MED12L: variants seen among roughly 807,000 people sequenced by gnomAD.
The protein encoded by MED12L is mediator complex subunit 12L, also known as mediator of RNA polymerase II transcription subunit 12-like protein.
Under a neutral mutation model 281.3 loss-of-function variants are expected in MED12L, and 60 were observed. The observed-to-expected ratio is 0.21, with a 90% CI of 0.17 to 0.26. MED12L has a LOEUF of 0.26. Among genes scored for constraint, MED12L ranks in the 10% least tolerant of loss-of-function variants. The pLI is 1.00. For missense variants in MED12L, 2,146 were observed against 2,680.9 expected, an observed-to-expected ratio of 0.80 and a Z score of 4.41; for synonymous variants, 974 against 987.2, an observed-to-expected ratio of 0.99 and a Z score of 0.25.
At chr3:151,126,740 A>G (rs776793951) in intron 4 of MED12L, among the ~76,000 whole-genome samples, 4 of 152,208 alleles carry the variant, frequency 2.6e-5, no homozygotes, top group Non-Finnish European at 5.9e-5. Context: ...GCCTGAAAGC[A>G]CTTTGGTTGG....
At chr3:151,296,691 G>A (rs1218120430) in intron 16 of MED12L, among the ~76,000 whole-genome samples, 2 of 151,946 alleles carry the variant, frequency 1.3e-5, no homozygotes, top group African/African-American at 2.4e-5. Flanking sequence ...GGCCATTTAA[G>A]CACATTTTAT....
chr3:151,089,923 A>G (rs906109145), intron 2 of MED12L, among the ~76,000 whole-genome samples: 4 of 152,180 alleles, frequency 2.6e-5, no homozygotes, highest in Non-Finnish European at 5.9e-5. Flanking sequence ...ATCCATGCGC[A>G]CATCCTGTTC....
intron 2 of MED12L, among the ~76,000 whole-genome samples, chr3:151,106,514 A>G (rs1442920182): frequency 7.9e-5 from 12 of 152,016 alleles, no homozygotes; most frequent in Admixed American, 7.9e-4. Context: ...TGTTCTTATG[A>G]TAAAGACAGA....
intron 8 of MED12L, 64 bp from the exon 9 acceptor site, chr3:151,163,829 G>A: frequency 6.6e-7 from 1 of 1,516,994 alleles, no homozygotes; most frequent in South Asian, 1.2e-5. Context: ...CGTTTTTACT[G>A]TTTAGCTATT....
In MED12L at chr3:151,413,220, T is replaced by C. The variant is rs772867252; in HGVS notation, c.6222T>C (p.Leu2074=). ...DAVLTSAHPN[L]PSVPLPQDPM... ...TGCTGACTTCTGCACATCCAAACCT[T>C]CCCTCCGTGCCCCTGCCTCAGGATC... The change falls in exon 42 of 45, where the codon CTT becomes CTC. Residue 2074 remains leucine (L), a synonymous_variant. Transcript: ENST00000687756. The C allele has an allele frequency of 1.9e-6, 3 of 1,614,008 alleles. No homozygotes were observed. The highest frequency in any genetic ancestry group is 4.5e-5 in the East Asian group (2 of 44,878).
At chr3:151,296,372 C>T (rs1745090351) in intron 16 of MED12L, among the ~76,000 whole-genome samples, 1 of 152,120 alleles carries the variant, frequency 6.6e-6, no homozygotes, top group Non-Finnish European at 1.5e-5. Context: ...ACAGGTAGCT[C>T]CTGCTGTGGA....
chr3:151,359,483 A>G (rs1754347874), intron 20 of MED12L, among the ~76,000 whole-genome samples: 1 of 152,004 alleles, frequency 6.6e-6, no homozygotes, highest in South Asian at 2.1e-4. Context: ...CTGTGATTCC[A>G]TTGTCCTCCT....
chr3:151,358,322 C>T (rs1300090375), intron 20 of MED12L, among the ~76,000 whole-genome samples: 1 of 151,984 alleles, frequency 6.6e-6, no homozygotes, highest in Non-Finnish European at 1.5e-5. Flanking sequence ...AATAACTCAG[C>T]TACTGTATAA....
chr3:151,368,629 T>TATTTC (rs1159385723), intron 25 of MED12L, among the ~76,000 whole-genome samples: 7 of 92,902 alleles, frequency 7.5e-5, no homozygotes, highest in Middle Eastern at 0.011. Context: ...TATTTTATTT[T>TATTTC]ATTTCATTTC....
At chr3:151,431,229 G>A (rs1285471826) in intron 44 of MED12L, among the ~76,000 whole-genome samples, 1 of 152,182 alleles carries the variant, frequency 6.6e-6, no homozygotes, top group Non-Finnish European at 1.5e-5. Context: ...GTTTCTTCTT[G>A]GTCTTGGATT....
At chr3:151,099,889 G>A (rs1269698721) in intron 2 of MED12L, among the ~76,000 whole-genome samples, 2 of 152,150 alleles carry the variant, frequency 1.3e-5, no homozygotes, top group African/African-American at 4.8e-5. Flanking sequence ...GCAAAGAGAT[G>A]GAGGATCTGG....
intron 11 of MED12L, among the ~76,000 whole-genome samples, chr3:151,168,549 C>T (rs774981488): frequency 6.6e-6 from 1 of 152,052 alleles, no homozygotes; most frequent in Non-Finnish European, 1.5e-5. Context: ...CAGTGTTGCC[C>T]CATTTAGCAG....
intron 16 of MED12L, chr3:151,198,063 A>C: frequency 6.4e-6 from 1 of 157,428 alleles, no homozygotes; most frequent in Non-Finnish European, 1.4e-5. Context: ...CATGGAAATT[A>C]TTTTTTATAT....
rs1443522692 is a variant in MED12L at position 151,316,596 on chromosome 3, G to C, written c.2251-33463G>C. On this transcript the variant is annotated intron_variant, in intron 16 of 44. Coordinates refer to ENST00000687756, the MANE Select transcript of MED12L (RefSeq NM_001393769.1). ...AAATTTTTCGTTTACCTTTCATTGTGGTGGCTGGCTGTCCATTCACCTCAT... is the reference window on the plus strand; with the variant it reads ...AAATTTTTCGTTTACCTTTCATTGTCGTGGCTGGCTGTCCATTCACCTCAT... 3.3e-5 allele frequency: 5 copies of C among 152,130 alleles called. No homozygotes were observed. In the East Asian group the frequency reaches 9.6e-4, roughly 29 times the overall value. The allele number at this position is 152,130 out of a possible 1,614,324, so 9.4% of individuals were successfully genotyped here.
intron 43 of MED12L, among the ~76,000 whole-genome samples, chr3:151,423,379 C>T (rs994384670): frequency 5.3e-5 from 8 of 152,256 alleles, no homozygotes; most frequent in Middle Eastern, 3.4e-3. Context: ...AAAAGTGACT[C>T]AGGGCAGAAA....
In MED12L at chr3:151,158,771, T is replaced by C. The variant is rs750752584; in HGVS notation, c.809T>C (p.Leu270Pro). The change falls in exon 7 of 45, where the codon CTT becomes CCT. Residue 270 changes from leucine (L) to proline (P), a missense_variant. Coordinates refer to ENST00000687756, the MANE Select transcript of MED12L (RefSeq NM_001393769.1). ...EKIRPMDDDL[L>P]KLLLPLMLQY... ...ATCAGACCAATGGATGATGATCTTCTTAAACTCTTGCTACCACTAATGCTG... is the reference window on the plus strand; with the variant it reads ...ATCAGACCAATGGATGATGATCTTCCTAAACTCTTGCTACCACTAATGCTG... 4 of 1,612,786 alleles carry C rather than the reference T, an allele frequency of 2.5e-6. No homozygotes were observed. The highest frequency in any genetic ancestry group is 3.4e-6 in the Non-Finnish European group (4 of 1,179,048).
At chr3:151,145,927 T>G (rs925188432) in intron 5 of MED12L, among the ~76,000 whole-genome samples, 1 of 152,230 alleles carries the variant, frequency 6.6e-6, no homozygotes, top group African/African-American at 2.4e-5. Context: ...GTCACCTCCC[T>G]GATGGAGTTG....
intron 11 of MED12L, among the ~76,000 whole-genome samples, chr3:151,185,114 G>A (rs577218236): frequency 7.2e-5 from 11 of 152,088 alleles, no homozygotes; most frequent in Non-Finnish European, 1.6e-4. Context: ...AATTCTTTTG[G>A]AATTGTCACA....
intron 13 of MED12L, among the ~76,000 whole-genome samples, chr3:151,189,049 A>T (rs1723627621): frequency 6.6e-6 from 1 of 152,154 alleles, no homozygotes; most frequent in Admixed American, 6.5e-5. Context: ...TTTGTGAGCT[A>T]TGTAGGCTTG....
Sources: allele counts gnomAD v4.1 joint callset (sites outside exome capture counted in the v4.1 genomes callset), GRCh38; gene constraint gnomAD v4.1.1; transcripts MANE v1.5; gene names NCBI Gene and HGNC (gene_info 2026-07-23, HGNC 2026-07-21).